The following MAPT variants were observed in gnomAD, a reference collection of about 807,000 sequenced individuals.
MAPT encodes microtubule associated protein tau.
Under a neutral mutation model 67.9 loss-of-function variants are expected in MAPT, and 34 were observed. That is an observed-to-expected ratio of 0.50 (90% CI 0.38 to 0.67). MAPT has a LOEUF of 0.67. Ranked by LOEUF, MAPT falls within the 30% of genes least tolerant of loss-of-function variation. The pLI is 0.00. For synonymous variants in MAPT, 456 were observed against 464.5 expected (o/e 0.98, Z 0.23); for missense variants, 881 against 1,115.2 (o/e 0.79, Z 2.99).
At chr17:45,914,276 G>C (rs114862678) in intron 1 of MAPT, among the ~76,000 whole-genome samples, 5 of 116,892 alleles carry the variant, frequency 4.3e-5, no homozygotes, top group Admixed American at 3.7e-4. Context: ...AGCAGAGGGC[G>C]GCTGATCTGT....
chr17:45,979,756 C>T (rs968548810), intron 4 of MAPT: 2 of 152,180 alleles, frequency 1.3e-5, no homozygotes, highest in African/African-American at 4.8e-5. Context: ...CATTGCTTTT[C>T]ATAAATGGAA....
At chr17:45,969,648 TCATC>T (rs781005555) in intron 2 of MAPT, among the ~76,000 whole-genome samples, 3 of 135,726 alleles carry the variant, frequency 2.2e-5, no homozygotes, top group Non-Finnish European at 5.1e-5. Context: ...TTCCCTCGGT[TCATC>T]CATCCATCCA....
intron 1 of MAPT, among the ~76,000 whole-genome samples, chr17:45,909,101 C>A (rs2064553029): frequency 4.6e-5 from 7 of 152,178 alleles, no homozygotes; most frequent in Admixed American, 4.6e-4. Flanking sequence ...GGCACACAGC[C>A]CTGAGTGCAA....
At position 46,024,206 on chromosome 17, in the gene MAPT, GA is replaced by G. The variant is rs879272511; in HGVS notation, c.*36del. ...TGGGGCGGTCAATAATTGTGGAGAG[GA>G]GAGAATGAGAGAGTGTGGAAAAAAA... On this transcript the variant is annotated 3_prime_UTR_variant, in exon 13 of 13. Coordinates refer to ENST00000262410, the MANE Select transcript of MAPT (RefSeq NM_001377265.1). The G allele has an allele frequency of 1.7e-5, 27 of 1,557,424 alleles. No individual in the cohort carries two copies. Among genetic ancestry groups the G allele is most frequent in the Non-Finnish European group, 2.4e-5 (27 of 1,129,368 alleles).
chr17:45,984,847 G>A (rs1274865169), intron 5 of MAPT, among the ~76,000 whole-genome samples: 2 of 152,210 alleles, frequency 1.3e-5, no homozygotes, highest in African/African-American at 2.4e-5. Flanking sequence ...GAGCCACAAG[G>A]CGAGCTTGTT....
chr17:45,964,422 G>A (rs1330413831), intron 2 of MAPT, among the ~76,000 whole-genome samples: 1 of 142,272 alleles, frequency 7.0e-6, no homozygotes, highest in African/African-American at 2.7e-5. Flanking sequence ...GCTCACGCCT[G>A]TAATCCCAGC....
rs535386838 is a variant in MAPT, at chr17:46,027,215, T to G, written c.*3044T>G. ...CTGCTCTTCAGCACCATGGGCCTTC[T>G]TATACGGAAGGCTCTGGGATCTCCC... On this transcript the variant is annotated 3_prime_UTR_variant, in exon 13 of 13. Coordinates refer to ENST00000262410, the MANE Select transcript of MAPT (RefSeq NM_001377265.1). The G allele has an allele frequency of 7.0e-4, 106 of 152,080 alleles. No homozygotes were observed. The highest frequency in any genetic ancestry group is 2.4e-3 in the African/African-American group (99 of 41,470). 9.4% of individuals were successfully genotyped at this position (152,080 alleles called of 1,614,324 possible). A position where few individuals can be genotyped will look rare whatever the true frequency, so the allele number is the denominator to read the frequency against.
At chr17:46,007,931 G>C (rs2075560654) in intron 9 of MAPT, among the ~76,000 whole-genome samples, 1 of 152,036 alleles carries the variant, frequency 6.6e-6, no homozygotes, top group South Asian at 2.1e-4. Flanking sequence ...ATCAAATCCA[G>C]CTCCTGCAGG....
chr17:45,988,950 G>C (rs962220202), intron 6 of MAPT, among the ~76,000 whole-genome samples: 6 of 141,768 alleles, frequency 4.2e-5, no homozygotes, highest in African/African-American at 7.4e-5. Context: ...TCACCAGATA[G>C]TGTTAATATT....
At chr17:45,941,712 T>A (rs1393546105) in intron 1 of MAPT, among the ~76,000 whole-genome samples, 1 of 110,188 alleles carries the variant, frequency 9.1e-6, no homozygotes, top group Non-Finnish European at 1.8e-5. Flanking sequence ...CCTGCCTTCC[T>A]TCCTTCCTTC....
At chr17:45,946,615 A>AAATATATATATAT in intron 1 of MAPT, among the ~76,000 whole-genome samples, 2 of 100,408 alleles carry the variant, frequency 2.0e-5, no homozygotes, top group African/African-American at 8.7e-5. Context: ...AAAAAAAAAA[A>AAATATATATATAT]ATATATATAT....
At chr17:46,008,117 G>A (rs1026832425) in intron 9 of MAPT, among the ~76,000 whole-genome samples, 4 of 152,110 alleles carry the variant, frequency 2.6e-5, no homozygotes, top group African/African-American at 9.7e-5. Flanking sequence ...TGTATTTTGA[G>A]ACGAAGTCTC....
intron 1 of MAPT, among the ~76,000 whole-genome samples, chr17:45,927,638 C>G (rs1261874297): frequency 6.6e-6 from 1 of 152,088 alleles, no homozygotes; most frequent in Non-Finnish European, 1.5e-5. Context: ...CTCTTTACAA[C>G]AAAACAAAAC....
intron 11 of MAPT, 91 bp from the exon 12 acceptor site, chr17:46,018,527 C>G (rs1179118820): frequency 1.0e-6 from 1 of 973,840 alleles, no homozygotes; most frequent in Non-Finnish European, 1.7e-6. Context: ...GGCACTTTGC[C>G]CTGTAGACTG....
intron 1 of MAPT, among the ~76,000 whole-genome samples, chr17:45,928,858 G>A (rs1413473160): frequency 6.6e-6 from 1 of 152,036 alleles, no homozygotes; most frequent in Non-Finnish European, 1.5e-5. Flanking sequence ...ACCACGCCCA[G>A]CTAATTTTTT....
chr17:45,988,529 G>C (rs987679637), intron 6 of MAPT, among the ~76,000 whole-genome samples: 1 of 152,188 alleles, frequency 6.6e-6, no homozygotes, highest in Non-Finnish European at 1.5e-5. Flanking sequence ...CCTCCATAGG[G>C]ACAGGCGTGC....
intron 1 of MAPT, among the ~76,000 whole-genome samples, chr17:45,920,171 G>A (rs1333677646): frequency 2.6e-5 from 4 of 152,188 alleles, no homozygotes; most frequent in African/African-American, 7.2e-5. Flanking sequence ...CGGCTCTGGT[G>A]CCTATTTTTG....
chr17:45,929,324 C>A (rs1225887301), intron 1 of MAPT, among the ~76,000 whole-genome samples: 1 of 152,140 alleles, frequency 6.6e-6, no homozygotes, highest in African/African-American at 2.4e-5. Flanking sequence ...GGTGATGGAG[C>A]ACAAATAGGC....
chr17:46,000,421 G>A (rs1310522439), intron 9 of MAPT, among the ~76,000 whole-genome samples: 1 of 152,188 alleles, frequency 6.6e-6, no homozygotes, highest in Non-Finnish European at 1.5e-5. Flanking sequence ...GCACCAGCTG[G>A]GTAGGGGTAG....
Sources: allele counts gnomAD v4.1 joint callset (sites outside exome capture counted in the v4.1 genomes callset), GRCh38; gene constraint gnomAD v4.1.1; transcripts MANE v1.5; gene names NCBI Gene and HGNC (gene_info 2026-07-23, HGNC 2026-07-21).